PPP1R12B: variants seen among roughly 807,000 people sequenced by gnomAD.
The protein encoded by PPP1R12B is protein phosphatase 1 regulatory subunit 12B.
Under a neutral mutation model 126.1 loss-of-function variants are expected in PPP1R12B, and 76 were observed. The ratio of observed to expected loss-of-function variants is 0.60; its 90% CI spans 0.50 to 0.73. The LOEUF is 0.73. Among genes scored for constraint, PPP1R12B ranks in the 30% least tolerant of loss-of-function variants. The pLI is 0.00. For missense variants in PPP1R12B, 1,052 were observed against 1,205.1 expected (o/e 0.87, Z 1.88); for synonymous variants, 356 against 434.7 (o/e 0.82, Z 2.25).
chr1:202,516,535 G>A (rs868433524), intron 18 of PPP1R12B, among the ~76,000 whole-genome samples: 4 of 152,126 alleles, frequency 2.6e-5, no homozygotes, highest in Middle Eastern at 3.4e-3. Flanking sequence ...ACTCATCTGC[G>A]TATAACGATT....
chr1:202,460,934 G>A (rs1253125467), intron 13 of PPP1R12B, among the ~76,000 whole-genome samples: 2 of 152,132 alleles, frequency 1.3e-5, no homozygotes, highest in African/African-American at 4.8e-5. Flanking sequence ...GCACCTCTAT[G>A]TAATTTTTTT....
At chr1:202,470,777 T>C (rs1306148997) in intron 13 of PPP1R12B, among the ~76,000 whole-genome samples, 5 of 151,928 alleles carry the variant, frequency 3.3e-5, no homozygotes, top group African/African-American at 1.2e-4. Flanking sequence ...TGGGAGCCTG[T>C]GCCTGTAATC....
chr1:202,496,772 C>G lies in PPP1R12B; in HGVS notation c.2449-9C>G. On this transcript the variant is annotated splice_polypyrimidine_tract_variant and intron_variant, in intron 17 of 23. Transcript: ENST00000608999. ...GAGCCTCTTGATTTTCTTCCCTTTT[C>G]TTTTTTAGGAGGATGAAACTGATGG... is the stretch of plus-strand genomic sequence containing the variant. 1 of 1,610,336 alleles carries G rather than the reference C, an allele frequency of 6.2e-7. No individual in the cohort carries two copies. The highest frequency in any genetic ancestry group is 1.1e-5 in the South Asian group (1 of 90,898).
chr1:202,579,032 A>G (rs1490579449), intron 23 of PPP1R12B, among the ~76,000 whole-genome samples: 1 of 152,222 alleles, frequency 6.6e-6, no homozygotes, highest in East Asian at 1.9e-4. Context: ...ATTTGTAGAA[A>G]TCGGGATAAC....
At chr1:202,445,401 C>T (rs561299790) in intron 12 of PPP1R12B, among the ~76,000 whole-genome samples, 92 of 152,328 alleles carry the variant, frequency 6.0e-4, no homozygotes, top group African/African-American at 2.1e-3. Context: ...AACCAGTCAA[C>T]AGTTGCATAT....
intron 12 of PPP1R12B, among the ~76,000 whole-genome samples, chr1:202,444,052 A>G (rs1180160757): frequency 6.6e-6 from 1 of 152,198 alleles, no homozygotes; most frequent in Non-Finnish European, 1.5e-5. Flanking sequence ...TTGATTTTAT[A>G]AAAACCTCTT....
At position 202,364,677 on chromosome 1, in the gene PPP1R12B, C is replaced by T. The variant is rs370083019; in HGVS notation, c.291+15535C>T. Among the ~76,000 whole-genome samples, 106 of 152,080 alleles carry T rather than the reference C, an allele frequency of 7.0e-4. No homozygotes were observed. In the South Asian group the frequency reaches 0.011, roughly 15 times the overall value. On this transcript the variant is annotated intron_variant, in intron 1 of 23. Transcript: ENST00000608999. ...CTGCAAGCTCCGCCTCCTGGGTTCA[C>T]GCCATTCTCCTGTTTCAGCCTCCCG...
Position 202,376,028 on chromosome 1 carries a change from A to G in PPP1R12B, c.291+26886A>G, listed in dbSNP as rs187798283. Among the ~76,000 whole-genome samples the G allele has an allele frequency of 1.6e-4, 24 of 152,356 alleles. 1 individual carries two copies. In the East Asian group the frequency reaches 3.7e-3, roughly 23 times the overall value. On this transcript the variant is annotated intron_variant, in intron 1 of 23. Transcript: ENST00000608999. Reference sequence around the variant, plus strand: ...ATCTATTAAGTCTTAGGCATTGGGAATAAAGATTTGTTCAATGAATGAACT... The same window carrying G: ...ATCTATTAAGTCTTAGGCATTGGGAGTAAAGATTTGTTCAATGAATGAACT...
chr1:202,523,461 G>A (rs1218944908), intron 18 of PPP1R12B, among the ~76,000 whole-genome samples: 1 of 152,170 alleles, frequency 6.6e-6, no homozygotes, highest in African/African-American at 2.4e-5. Context: ...TCTGAAGGAA[G>A]AACATTTCTT....
At chr1:202,467,193 CT>C (rs1318885139) in intron 13 of PPP1R12B, among the ~76,000 whole-genome samples, 3 of 151,718 alleles carry the variant, frequency 2.0e-5, no homozygotes, top group African/African-American at 7.3e-5. Flanking sequence ...CAATGCTGTC[CT>C]CCCTTGTTTT....
chr1:202,571,586 T>G (rs552569330), intron 23 of PPP1R12B, among the ~76,000 whole-genome samples: 1 of 152,338 alleles, frequency 6.6e-6, no homozygotes, highest in East Asian at 1.9e-4. Flanking sequence ...TCCAAGGAGC[T>G]GGGACTAGTA....
chr1:202,540,189 C>CTCAGTCTGA (rs1248301756), intron 18 of PPP1R12B: 1 of 1,611,148 alleles, frequency 6.2e-7, no homozygotes, highest in Non-Finnish European at 8.5e-7. Flanking sequence ...AATAGGAAAT[C>CTCAGTCTGA]TCAGTCTGAT....
chr1:202,349,809 C>T (rs1354413060), intron 1 of PPP1R12B, among the ~76,000 whole-genome samples: 3 of 152,096 alleles, frequency 2.0e-5, no homozygotes, highest in Admixed American at 2.0e-4. Flanking sequence ...TATGGAATAG[C>T]TTTTCTATTT....
chr1:202,413,191 A>G (rs1667629120), intron 1 of PPP1R12B, among the ~76,000 whole-genome samples: 1 of 152,058 alleles, frequency 6.6e-6, no homozygotes, highest in African/African-American at 2.4e-5. Context: ...AGTTTTAGCT[A>G]ATCTCAGTAA....
At position 202,512,433 on chromosome 1, in the gene PPP1R12B, AG is replaced by A. The variant is rs199981990; in HGVS notation, c.2490+15613del. ...GATAAAAGCATAAAGAGCAGTCCCA[AG>A]GTATTTGGGAAGATGCATGGAATTG... On this transcript the variant is annotated intron_variant, in intron 18 of 23. Transcript: ENST00000608999. 8.0e-3 allele frequency among the ~76,000 whole-genome samples: 1,224 copies of A among 152,294 alleles called. 18 individuals are homozygous for A. Among genetic ancestry groups the A allele is most frequent in the African/African-American group, 0.028 (1,145 of 41,558 alleles).
At chr1:202,469,871 G>A (rs1675595662) in intron 13 of PPP1R12B, among the ~76,000 whole-genome samples, 1 of 152,158 alleles carries the variant, frequency 6.6e-6, no homozygotes, top group African/African-American at 2.4e-5. Context: ...CTAATGGAAA[G>A]TTCAGAAATC....
chr1:202,470,237 C>T (rs562003419), intron 13 of PPP1R12B, among the ~76,000 whole-genome samples: 89 of 152,292 alleles, frequency 5.8e-4, no homozygotes, highest in South Asian at 1.0e-3. Context: ...TCTCTCTGCC[C>T]CCTATGGCGG....
At chr1:202,413,886 T>C (rs761081597) in intron 1 of PPP1R12B, among the ~76,000 whole-genome samples, 1 of 152,116 alleles carries the variant, frequency 6.6e-6, no homozygotes, top group Non-Finnish European at 1.5e-5. Flanking sequence ...ATTGTAGATG[T>C]TTTTCTTGGA....
At chr1:202,536,706 TAAAAC>T (rs1684563643) in intron 18 of PPP1R12B, among the ~76,000 whole-genome samples, 1 of 152,232 alleles carries the variant, frequency 6.6e-6, no homozygotes, top group Admixed American at 6.5e-5. Flanking sequence ...ATACTTAGCT[TAAAAC>T]AAACACATAC....
Sources: allele counts gnomAD v4.1 joint callset (sites outside exome capture counted in the v4.1 genomes callset), GRCh38; gene constraint gnomAD v4.1.1; transcripts MANE v1.5; gene names NCBI Gene and HGNC (gene_info 2026-07-23, HGNC 2026-07-21).